The following AXDND1 variants were observed in gnomAD, a reference collection of about 807,000 sequenced individuals.
AXDND1 encodes the protein axonemal dynein light chain domain containing 1.
Under a neutral mutation model 137.5 loss-of-function variants are expected in AXDND1, and 110 were observed. The observed-to-expected ratio is 0.80, with a 90% CI of 0.69 to 0.94. The LOEUF (loss-of-function observed/expected upper bound fraction) is 0.94. Ranked by LOEUF, AXDND1 falls within the 40% of genes least tolerant of loss-of-function variation. AXDND1 has a pLI of 0.00. For missense variants in AXDND1, 1,191 were observed against 1,169.8 expected (o/e 1.02, Z -0.26); for synonymous variants, 414 against 399.7 (o/e 1.04, Z -0.43).
intron 18 of AXDND1, among the ~76,000 whole-genome samples, chr1:179,490,747 T>A (rs1055184768): frequency 1.4e-5 from 2 of 143,030 alleles, no homozygotes; most frequent in Admixed American, 1.5e-4. Context: ...CCATGTTAAT[T>A]TTCACACAGT....
chr1:179,435,050 A>G (rs766963234), intron 15 of AXDND1, among the ~76,000 whole-genome samples: 1 of 152,142 alleles, frequency 6.6e-6, no homozygotes, highest in Non-Finnish European at 1.5e-5. Flanking sequence ...CACCAACAAT[A>G]TACAAGCAGA....
chr1:179,501,062 TG>T (rs1418591518), intron 20 of AXDND1, among the ~76,000 whole-genome samples: 3 of 152,248 alleles, frequency 2.0e-5, no homozygotes, highest in Non-Finnish European at 2.9e-5. Context: ...GGGATCATAT[TG>T]GACCACACAT....
chr1:179,397,005 A>G (rs1373746578), intron 11 of AXDND1, among the ~76,000 whole-genome samples: 1 of 152,196 alleles, frequency 6.6e-6, no homozygotes, highest in Non-Finnish European at 1.5e-5. Flanking sequence ...CAGTAAAGAT[A>G]TATATAGATT....
chr1:179,466,240 A>G (rs886177966), intron 16 of AXDND1, among the ~76,000 whole-genome samples: 2 of 149,094 alleles, frequency 1.3e-5, no homozygotes, highest in Non-Finnish European at 1.5e-5. Flanking sequence ...CTATTCGGCC[A>G]TCTTGGAACC....
intron 9 of AXDND1, among the ~76,000 whole-genome samples, chr1:179,388,789 G>C (rs574683930): frequency 2.0e-5 from 3 of 149,132 alleles, no homozygotes; most frequent in Non-Finnish European, 3.0e-5. Context: ...TAGAGACAGG[G>C]TTCGCCATAT....
chr1:179,486,139 A>AAAAACAGAAAACT (rs149119239), intron 18 of AXDND1, among the ~76,000 whole-genome samples: 9 of 87,768 alleles, frequency 1.0e-4, no homozygotes, highest in Non-Finnish European at 1.8e-4. Flanking sequence ...AAAAAAAAAA[A>AAAAACAGAAAACT]AACCTGATAG....
chr1:179,465,917 G>A (rs1332250529), intron 16 of AXDND1, among the ~76,000 whole-genome samples: 1 of 152,216 alleles, frequency 6.6e-6, no homozygotes, highest in Non-Finnish European at 1.5e-5. Context: ...CGGACCCTCT[G>A]AGCCAGGCGC....
intron 11 of AXDND1, among the ~76,000 whole-genome samples, chr1:179,405,396 T>G (rs2125193167): frequency 6.6e-6 from 1 of 152,318 alleles, no homozygotes; most frequent in African/African-American, 2.4e-5. Context: ...GTGCATGTGT[T>G]TTCATAGCAG....
At position 179,489,134 on chromosome 1, in the gene AXDND1, G is replaced by C. The variant is rs1666547921; in HGVS notation, c.2092-2404G>C. On this transcript the variant is annotated intron_variant, in intron 18 of 25. Coordinates refer to ENST00000367618, the MANE Select transcript of AXDND1 (RefSeq NM_144696.6). The stretch of plus-strand genomic sequence containing the variant: ...GAAGTCTTTTCACAAAAGAAAAGCA[G>C]TCAATTCATCTTAAAATGTCTTTTA... 2.4e-5 allele frequency among the ~76,000 whole-genome samples: 3 copies of C among 125,670 alleles called. 1 individual carries two copies. In the South Asian group the frequency reaches 6.6e-4, roughly 28 times the overall value. 82.4% of individuals were successfully genotyped at this position (125,670 alleles called of 152,430 possible).
rs1015039248 is a variant in AXDND1, at chr1:179,376,774, G to T, written c.375-1863G>T. ...ATATTGAAGGCTCCCCAATGGTAGG[G>T]ACTGTGTCTATTTTAAGAAATAGTT... On this transcript the variant is annotated intron_variant, in intron 4 of 25. Transcript: ENST00000367618. 5.3e-5 allele frequency among the ~76,000 whole-genome samples: 8 copies of T among 152,196 alleles called. No individual in the cohort carries two copies. In the East Asian group the frequency reaches 1.3e-3, roughly 26 times the overall value.
rs193218257 is a variant in AXDND1, at chr1:179,440,916, A to G, written c.1564-4054A>G. Among the ~76,000 whole-genome samples the G allele has an allele frequency of 6.2e-4, 95 of 152,372 alleles. 1 individual carries two copies. The highest frequency in any genetic ancestry group is 1.9e-4 in the Non-Finnish European group (13 of 68,040). The stretch of plus-strand genomic sequence containing the variant: ...CTCTAAAACCTGAATGACTGTAATT[A>G]GCTCTGAGTGTTGAGCTGAAACCCC... On this transcript the variant is annotated intron_variant, in intron 15 of 25. Transcript: ENST00000367618.
At position 179,488,634 on chromosome 1, in the gene AXDND1, CCTTTCTTTCTTTCTTTCT is replaced by C. The variant is rs1404467048; in HGVS notation, c.2092-2903_2092-2886del. 1.8e-4 allele frequency among the ~76,000 whole-genome samples: 19 copies of C among 105,172 alleles called. 2 individuals are homozygous for C. The highest frequency in any genetic ancestry group is 7.4e-4 in the African/African-American group (19 of 25,576). 69.0% of individuals were successfully genotyped at this position (105,172 alleles called of 152,430 possible). On this transcript the variant is annotated intron_variant, in intron 18 of 25. Transcript: ENST00000367618. Reference sequence around the variant, plus strand: ...TTTCTTTCTTTCTCTCTCTCTCTCTCCTTTCTTTCTTTCTTTCTTTCTTTCTTTCTTTCTTTCTTTCTT... The same window carrying C: ...TTTCTTTCTTTCTCTCTCTCTCTCTCTTCTTTCTTTCTTTCTTTCTTTCTT...
In AXDND1 at chr1:179,533,897, A is replaced by G. The variant is rs376089315; in HGVS notation, c.2798+20A>G. 6.3e-7 allele frequency: 1 copy of G among 1,599,716 alleles called. No homozygotes were observed. ...GTTACTGTAAGTATGAGTCAACACA[A>G]TGGTAAGAGGATGAAAATGGCTGGC... On this transcript the variant is annotated intron_variant, in intron 24 of 25. Transcript: ENST00000367618.
At chr1:179,483,045 A>G in intron 17 of AXDND1, 83 bp from the exon 18 acceptor site, 1 of 927,314 alleles carries the variant, frequency 1.1e-6, no homozygotes, top group Non-Finnish European at 1.6e-6. Flanking sequence ...ACCCAGCCAA[A>G]TAAAACTCTT....
chr1:179,478,505 C>G (rs1054376561), intron 17 of AXDND1, among the ~76,000 whole-genome samples: 1 of 152,200 alleles, frequency 6.6e-6, no homozygotes, highest in African/African-American at 2.4e-5. Context: ...ATCTTGGACC[C>G]TTTTAGTCAT....
rs1670430687 is a variant in AXDND1, at chr1:179,525,358, C to A, written c.2521C>A (p.Pro841Thr). ...EEEAVKEFIE[P>T]EIDESFKEDE... ...GGAGGCTGTAAAAGAATTCATTGAGCCTGAAATAGACGAGTCTTTTAAAGA... is the reference window on the plus strand; with the variant it reads ...GGAGGCTGTAAAAGAATTCATTGAGACTGAAATAGACGAGTCTTTTAAAGA... Residue 841 changes from proline (P) to threonine (T), a missense_variant, in exon 22 of 26, where the codon CCT (proline) becomes ACT (threonine). Pro to Thr is a conservative substitution (Grantham distance 38, BLOSUM62 -1). Transcript: ENST00000367618. 2 of 1,611,096 alleles carry A rather than the reference C, an allele frequency of 1.2e-6. No homozygotes were observed. Among genetic ancestry groups the A allele is most frequent in the Admixed American group, 3.3e-5 (2 of 59,810 alleles).
At chr1:179,471,153 T>C (rs1041277288) in intron 17 of AXDND1, among the ~76,000 whole-genome samples, 1 of 152,230 alleles carries the variant, frequency 6.6e-6, no homozygotes, top group Non-Finnish European at 1.5e-5. Flanking sequence ...TGCTAGTCTT[T>C]GCATTGGTAT....
At chr1:179,449,123 C>T (rs7555131) in intron 16 of AXDND1, 111 of 453,898 alleles carry the variant, frequency 2.4e-4, no homozygotes, top group African/African-American at 1.9e-3. Flanking sequence ...TGGGTTCAAG[C>T]GATCATCCCA....
intron 10 of AXDND1, 110 bp downstream of exon 10, chr1:179,394,153 T>C (rs1056040150): frequency 8.8e-7 from 1 of 1,141,310 alleles, no homozygotes; most frequent in African/African-American, 1.6e-5. Flanking sequence ...GGTTCTTCTG[T>C]TTCCTTTTCA....
Sources: allele counts gnomAD v4.1 joint callset (sites outside exome capture counted in the v4.1 genomes callset), GRCh38; gene constraint gnomAD v4.1.1; transcripts MANE v1.5; gene names NCBI Gene and HGNC (gene_info 2026-07-23, HGNC 2026-07-21).